The following ZDHHC16 variants were observed in gnomAD, a reference collection of about 807,000 sequenced individuals.
ZDHHC16 encodes the protein palmitoyltransferase ZDHHC16.
A neutral mutation model predicts 54.4 loss-of-function variants in ZDHHC16; 33 were observed. That is an observed-to-expected ratio of 0.61 (90% CI 0.46 to 0.81). ZDHHC16 has a LOEUF of 0.81. Ranked by LOEUF, ZDHHC16 falls within the 30% of genes least tolerant of loss-of-function variation. The pLI, the probability that ZDHHC16 is intolerant of heterozygous loss-of-function variation, is 0.00. For synonymous variants in ZDHHC16, 185 were observed against 182.1 expected, an observed-to-expected ratio of 1.02 and a Z score of -0.13; for missense variants, 420 against 485.9, an observed-to-expected ratio of 0.86 and a Z score of 1.28.
chr10:97,447,411 A>G (rs929602080), intron 1 of ZDHHC16, among the ~76,000 whole-genome samples: 2 of 152,134 alleles, frequency 1.3e-5, no homozygotes, highest in African/African-American at 4.8e-5. Flanking sequence ...ACTTAAAGCC[A>G]TGGGAAGAGG....
At position 97,455,982 on chromosome 10, in the gene ZDHHC16, G is replaced by A. The variant is rs149932676; in HGVS notation, c.957G>A (p.Arg319=). ...RRLQAKGRVF[R]NPYNYGCLDN... is the part of the protein sequence containing the mutation. ...GTTTTTCTTGGCTCCAGGTATTTAG[G>A]AATCCTTACAACTACGGCTGCTTGG... Residue 319 remains arginine (R), a synonymous_variant, in exon 11 of 12, where the codon AGG becomes AGA. Transcript: ENST00000393760. 2.4e-3 allele frequency: 3,902 copies of A among 1,614,054 alleles called. 40 individuals carry two copies. The highest frequency in any genetic ancestry group is 0.023 in the South Asian group (2,105 of 91,062).
rs1380357626 is a variant in ZDHHC16 at position 97,455,977 on chromosome 10, T to C, written c.952T>C (p.Phe318Leu). Residue 318 changes from phenylalanine to leucine, a missense_variant, in exon 11 of 12, where the codon TTT becomes CTT. Transcript: ENST00000393760. ...AACATGTTTTTCTTGGCTCCAGGTA[T>C]TTAGGAATCCTTACAACTACGGCTG... ...RRRLQAKGRV[F>L]RNPYNYGCLD... 1.9e-6 allele frequency: 3 copies of C among 1,614,042 alleles called. No individual in the cohort carries two copies. The highest frequency in any genetic ancestry group is 2.5e-6 in the Non-Finnish European group (3 of 1,179,960).
At chr10:97,451,971 A>T in intron 3 of ZDHHC16, 53 bp downstream of exon 3, 1 of 1,590,876 alleles carries the variant, frequency 6.3e-7, no homozygotes, top group African/African-American at 1.3e-5. Flanking sequence ...GCAGAGGGAC[A>T]TGTCTCTCAC....
At chr10:97,447,344 T>A (rs1276031014) in intron 1 of ZDHHC16, among the ~76,000 whole-genome samples, 3 of 152,220 alleles carry the variant, frequency 2.0e-5, no homozygotes, top group African/African-American at 7.2e-5. Flanking sequence ...TCTGATGGCT[T>A]TGCCGTCTGT....
In ZDHHC16 at chr10:97,446,341, C is replaced by T. The variant is rs996249793; in HGVS notation, c.-198C>T. 3 of 400,108 alleles carry T rather than the reference C, an allele frequency of 7.5e-6. No individual in the cohort carries two copies. Among genetic ancestry groups the T allele is most frequent in the Non-Finnish European group, 1.4e-5 (3 of 218,900 alleles). The allele number at this position is 400,108 out of a possible 1,614,324, so 24.8% of individuals were successfully genotyped here. A position where few individuals can be genotyped will look rare whatever the true frequency, so the allele number is the denominator to read the frequency against. On this transcript the variant is annotated 5_prime_UTR_variant, in exon 1 of 12. Transcript: ENST00000393760. ...GGCTCGGTTTGGCTGACTGGGGAGT[C>T]GGCAGGCGGCAGGTAAGGGCGAAGC...
chr10:97,455,698 A>G lies in ZDHHC16; in HGVS notation c.863A>G (p.His288Arg), dbSNP rs1847105931. Residue 288 changes from histidine (H) to arginine (R), a missense_variant, in exon 10 of 12, where the codon CAT becomes CGT. Physicochemically the swap from His to Arg is conservative, Grantham distance 29 (BLOSUM62 0). Coordinates refer to ENST00000393760, the MANE Select transcript of ZDHHC16 (RefSeq NM_198046.3). ...GCCCTGGGTGCCCTAACTGTATGGC[A>G]TGCTGTTCTCATCAGTCGAGGTGAG... ...ALALGALTVWHAVLISRGETS... is the reference protein window; with the variant it reads ...ALALGALTVWRAVLISRGETS... 6.2e-7 allele frequency: 1 copy of G among 1,614,054 alleles called. No homozygotes were observed. Among genetic ancestry groups the G allele is most frequent in the Non-Finnish European group, 8.5e-7 (1 of 1,180,050 alleles).
rs146287872 is a variant in ZDHHC16 at position 97,455,750 on chromosome 10, G to A, written c.915G>A (p.Lys305=). The change falls in exon 10 of 12, where the codon AAG becomes AAA. Residue 305 remains lysine, a synonymous_variant. Transcript: ENST00000393760. ...CTAGCATCGAAAGGCACATCAACAA[G>A]AAGGAGAGACGTCGGCTACAGGCCA... The part of the protein sequence containing the change: ...GETSIERHIN[K]KERRRLQAKG... The A allele has an allele frequency of 2.0e-3, 3,247 of 1,614,030 alleles. 4 individuals are homozygous for A. Among genetic ancestry groups the A allele is most frequent in the Non-Finnish European group, 2.2e-3 (2,585 of 1,179,932 alleles).
Position 97,446,237 on chromosome 10 carries a change from A to T in ZDHHC16, c.-302A>T. 3.3e-6 allele frequency: 2 copies of T among 602,178 alleles called. No homozygotes were observed. The highest frequency in any genetic ancestry group is 4.6e-4 in the Middle Eastern group (1 of 2,196). The allele number at this position is 602,178 out of a possible 1,614,324, so 37.3% of individuals were successfully genotyped here. On this transcript the variant is annotated 5_prime_UTR_variant, in exon 1 of 12. The change abolishes an upstream ATG in the 5' untranslated region. Coordinates refer to ENST00000393760, the MANE Select transcript of ZDHHC16 (RefSeq NM_198046.3). ...TGCCTGGCGCTGCGGGCGGCGGGCC[A>T]TGGTGGTTTGGATTGAGCCGGGCCC... is the stretch of plus-strand genomic sequence containing the variant.
intron 1 of ZDHHC16, 92 bp downstream of exon 1, chr10:97,446,445 T>C: frequency 5.0e-6 from 1 of 199,320 alleles, no homozygotes; most frequent in South Asian, 8.1e-5. Context: ...TGCGGGTTCC[T>C]GCTCTCTCCT....
In ZDHHC16 at chr10:97,446,248, G is replaced by T; in HGVS notation, c.-291G>T. 1 of 579,190 alleles carries T rather than the reference G, an allele frequency of 1.7e-6. No individual in the cohort carries two copies. Among genetic ancestry groups the T allele is most frequent in the Admixed American group, 3.1e-5 (1 of 31,810 alleles). 35.9% of individuals were successfully genotyped at this position (579,190 alleles called of 1,614,324 possible). On this transcript the variant is annotated 5_prime_UTR_variant, in exon 1 of 12. Transcript: ENST00000393760. ...GCGGGCGGCGGGCCATGGTGGTTTGGATTGAGCCGGGCCCGGCCGGGGCGC... is the reference window on the plus strand; with the variant it reads ...GCGGGCGGCGGGCCATGGTGGTTTGTATTGAGCCGGGCCCGGCCGGGGCGC...
At chr10:97,452,738 A>G in intron 5 of ZDHHC16, 157 bp from the exon 6 acceptor site, 1 of 1,061,548 alleles carries the variant, frequency 9.4e-7, no homozygotes, top group Non-Finnish European at 1.4e-6. Flanking sequence ...TCTTATAGCC[A>G]TTAAACTGCA....
At chr10:97,451,595 G>T (rs1564801047) in intron 2 of ZDHHC16, 76 bp from the exon 3 acceptor site, 2 of 1,525,416 alleles carry the variant, frequency 1.3e-6, no homozygotes, top group East Asian at 2.3e-5. Context: ...CTCCAAGTGA[G>T]TACTCTAGGC....
intron 3 of ZDHHC16, 44 bp from the exon 4 acceptor site, chr10:97,452,046 A>C: frequency 6.2e-7 from 1 of 1,612,568 alleles, no homozygotes; most frequent in Non-Finnish European, 8.5e-7. Context: ...TCCTTTGGGC[A>C]TAGCTCTTGC....
rs745533165 is a variant in ZDHHC16, at chr10:97,453,813, C to T, written c.705C>T (p.Leu235=). 35 of 1,614,086 alleles carry T rather than the reference C, an allele frequency of 2.2e-5. 1 individual carries two copies. In the South Asian group the frequency reaches 2.7e-4, roughly 13 times the overall value. ...AYAAIEKMKQ[L]DKNKLQAVAN... is the part of the protein sequence containing the mutation. ...CGTCCCCTTAGAAAATGAAACAGCT[C>T]GACAAGAACAAACTACAGGCGGTTG... The change falls in exon 8 of 12, where the codon CTC becomes CTT. Residue 235 remains leucine, a synonymous_variant. Transcript: ENST00000393760.
chr10:97,456,479 G>T lies in ZDHHC16; in HGVS notation c.1020-298G>T, dbSNP rs912642286. On this transcript the variant is annotated intron_variant, in intron 11 of 11. Transcript: ENST00000393760. ...TTTTTCAAATGGCAGTTACTGAGGC[G>T]GTAACAATCAGATGAACAGACGTGC... The T allele has an allele frequency of 2.9e-5, 9 of 310,906 alleles. No homozygotes were observed. The South Asian group carries it at 5.4e-4, about 19-fold the overall frequency. 19.3% of individuals were successfully genotyped at this position (310,906 alleles called of 1,614,324 possible). A position where few individuals can be genotyped will look rare whatever the true frequency, so the allele number is the denominator to read the frequency against.
At chr10:97,448,847 G>T (rs1846339932) in intron 1 of ZDHHC16, among the ~76,000 whole-genome samples, 1 of 152,192 alleles carries the variant, frequency 6.6e-6, no homozygotes, top group African/African-American at 2.4e-5. Context: ...TATATGGGAA[G>T]ATACGTATAG....
intron 11 of ZDHHC16, chr10:97,456,309 T>A: frequency 2.2e-6 from 1 of 451,038 alleles, no homozygotes; most frequent in Non-Finnish European, 3.9e-6. Context: ...GTGTAGGATA[T>A]GGTGGCCACC....
Position 97,451,775 on chromosome 10 carries a change from G to A in ZDHHC16, c.100G>A (p.Gly34Ser), listed in dbSNP as rs202085412. The A allele has an allele frequency of 2.5e-6, 4 of 1,614,118 alleles. No individual in the cohort carries two copies. The highest frequency in any genetic ancestry group is 3.3e-5 in the Admixed American group (2 of 60,022). ...YRRRCPPLLR[G>S]LVQRWRYGKV... ...GCGCCGCTGTCCACCTCTACTCCGGGGTCTAGTACAGCGCTGGCGCTACGG... is the reference window on the plus strand; with the variant it reads ...GCGCCGCTGTCCACCTCTACTCCGGAGTCTAGTACAGCGCTGGCGCTACGG... Residue 34 changes from glycine to serine, a missense_variant, in exon 3 of 12, where the codon GGT becomes AGT. Physicochemically the swap from Gly to Ser is moderately conservative, Grantham distance 56. Transcript: ENST00000393760.
rs145945812 is a variant in ZDHHC16, at chr10:97,455,691, G to T, written c.856G>T (p.Val286Leu). Residue 286 changes from valine to leucine, a missense_variant, in exon 10 of 12, where the codon GTA (valine) becomes TTA (leucine). Coordinates refer to ENST00000393760, the MANE Select transcript of ZDHHC16 (RefSeq NM_198046.3). The stretch of plus-strand genomic sequence containing the variant: ...GGCACTTGCCCTGGGTGCCCTAACT[G>T]TATGGCATGCTGTTCTCATCAGTCG... ...SVALALGALT[V>L]WHAVLISRGE... The T allele has an allele frequency of 8.1e-6, 13 of 1,614,074 alleles. No homozygotes were observed. Among genetic ancestry groups the T allele is most frequent in the Admixed American group, 1.7e-5 (1 of 59,990 alleles).
Sources: gnomAD v4.1 joint callset for allele counts (sites outside exome capture counted in the v4.1 genomes callset) on GRCh38, gnomAD v4.1.1 for gene constraint, MANE v1.5 for transcripts, NCBI Gene and HGNC (gene_info 2026-07-23, HGNC 2026-07-21) for gene names.